PRKD1: variants seen among roughly 807,000 people sequenced by gnomAD.
PRKD1 encodes protein kinase D1.
In PRKD1, 63 loss-of-function variants were observed where a neutral mutation model predicts 95.9. The ratio of observed to expected loss-of-function variants is 0.66; its 90% CI spans 0.54 to 0.81. The LOEUF (loss-of-function observed/expected upper bound fraction) is 0.81. Among genes scored for constraint, PRKD1 ranks in the 30% least tolerant of loss-of-function variants. The pLI, the probability that PRKD1 is intolerant of heterozygous loss-of-function variation, is 0.00. For missense variants in PRKD1, 1,048 were observed against 1,165.3 expected, an observed-to-expected ratio of 0.90 and a Z score of 1.47; for synonymous variants, 425 against 423.1, an observed-to-expected ratio of 1.00 and a Z score of -0.05.
chr14:29,650,066 A>C (rs1198738382), intron 4 of PRKD1, among the ~76,000 whole-genome samples: 1 of 151,702 alleles, frequency 6.6e-6, no homozygotes, highest in Admixed American at 6.6e-5. Flanking sequence ...CGCCACTTCC[A>C]GTTTCCTAGT....
intron 1 of PRKD1, among the ~76,000 whole-genome samples, chr14:29,785,074 A>C (rs1029785554): frequency 6.6e-6 from 1 of 152,132 alleles, no homozygotes; most frequent in Non-Finnish European, 1.5e-5. Flanking sequence ...ATGCTTACCC[A>C]TTACACATGC....
intron 2 of PRKD1, among the ~76,000 whole-genome samples, chr14:29,709,526 AATAG>A (rs1318868581): frequency 6.6e-6 from 1 of 152,190 alleles, no homozygotes; most frequent in Non-Finnish European, 1.5e-5. Context: ...CAATAAGAGA[AATAG>A]ATAGATACAG....
chr14:29,792,074 C>T lies in PRKD1; in HGVS notation c.265-66400G>A, dbSNP rs924719975. Among the ~76,000 whole-genome samples, 3 of 152,196 alleles carry T rather than the reference C, an allele frequency of 2.0e-5. 1 individual carries two copies. Among genetic ancestry groups the T allele is most frequent in the Non-Finnish European group, 4.4e-5 (3 of 67,976 alleles). On this transcript the variant is annotated intron_variant, in intron 1 of 17. Transcript: ENST00000331968. Reference sequence around the variant, plus strand: ...TTGATTTCTCACTCTATAAAAATGACATATAATCCCATGTGATAGATCAAC... The same window carrying T: ...TTGATTTCTCACTCTATAAAAATGATATATAATCCCATGTGATAGATCAAC...
chr14:29,673,258 G>A (rs1420753870), intron 2 of PRKD1, among the ~76,000 whole-genome samples: 2 of 152,298 alleles, frequency 1.3e-5, no homozygotes, highest in East Asian at 1.9e-4. Context: ...AGTAAAGGAC[G>A]AGAGAGCTAG....
At chr14:29,616,446 GT>G (rs10706104) in intron 13 of PRKD1, among the ~76,000 whole-genome samples, 77,865 of 147,656 alleles carry the variant, frequency 0.53, 21,070 homozygotes, top group East Asian at 0.68. Context: ...ATCGTTTATG[GT>G]TTTTTTTTTT....
At chr14:29,798,175 G>A (rs937534429) in intron 1 of PRKD1, among the ~76,000 whole-genome samples, 1 of 152,140 alleles carries the variant, frequency 6.6e-6, no homozygotes, top group Non-Finnish European at 1.5e-5. Context: ...TTATGTTTTT[G>A]CAGACATGTC....
intron 1 of PRKD1, among the ~76,000 whole-genome samples, chr14:29,746,818 A>G (rs767393030): frequency 2.6e-5 from 4 of 152,184 alleles, no homozygotes; most frequent in Middle Eastern, 3.2e-3. Flanking sequence ...TTCCTTTCTC[A>G]GTTATAAAAT....
At chr14:29,821,569 C>A (rs1163625934) in intron 1 of PRKD1, among the ~76,000 whole-genome samples, 1 of 152,038 alleles carries the variant, frequency 6.6e-6, no homozygotes, top group Non-Finnish European at 1.5e-5. Context: ...CACTGAATCG[C>A]AAAATTAAAC....
chr14:29,630,148 C>T (rs1394946563), intron 10 of PRKD1, among the ~76,000 whole-genome samples: 1 of 151,836 alleles, frequency 6.6e-6, no homozygotes, highest in Non-Finnish European at 1.5e-5. Context: ...GATTTCTCCT[C>T]CTCCTTCTCC....
intron 13 of PRKD1, among the ~76,000 whole-genome samples, chr14:29,616,605 C>T (rs1466820584): frequency 1.3e-5 from 2 of 151,950 alleles, no homozygotes; most frequent in African/African-American, 4.8e-5. Flanking sequence ...TACCAACCGA[C>T]TTAATTTTTT....
chr14:29,885,959 G>A (rs750652773), intron 1 of PRKD1, among the ~76,000 whole-genome samples: 40 of 151,228 alleles, frequency 2.6e-4, no homozygotes, highest in Non-Finnish European at 4.7e-4. Context: ...AGCAAGACTC[G>A]GTCTCAAATA....
intron 16 of PRKD1, chr14:29,594,268 T>C: frequency 3.1e-6 from 1 of 322,008 alleles, no homozygotes; most frequent in South Asian, 2.5e-5. Flanking sequence ...CTTTTGCTTT[T>C]TCATGCCAGG....
At chr14:29,827,260 G>C (rs866154483) in intron 1 of PRKD1, among the ~76,000 whole-genome samples, 1 of 151,964 alleles carries the variant, frequency 6.6e-6, no homozygotes, top group Non-Finnish European at 1.5e-5. Flanking sequence ...GGATTCATAA[G>C]TTATCAAATA....
intron 1 of PRKD1, among the ~76,000 whole-genome samples, chr14:29,890,113 T>G (rs2139411317): frequency 6.6e-6 from 1 of 152,306 alleles, no homozygotes; most frequent in East Asian, 1.9e-4. Flanking sequence ...TTTAATAGTG[T>G]TTTAATACTT....
intron 1 of PRKD1, among the ~76,000 whole-genome samples, chr14:29,731,867 C>CTTTT (rs56015138): frequency 4.2e-5 from 6 of 144,542 alleles, no homozygotes; most frequent in African/African-American, 1.3e-4. Context: ...ACAATCTCTA[C>CTTTT]TTTTTTTTTT....
chr14:29,829,984 CCT>C (rs1429431044), intron 1 of PRKD1, among the ~76,000 whole-genome samples: 1 of 152,128 alleles, frequency 6.6e-6, no homozygotes, highest in Non-Finnish European at 1.5e-5. Context: ...GACATTTGCT[CCT>C]CTGTCTACTT....
chr14:29,796,842 A>G (rs1266803493), intron 1 of PRKD1, among the ~76,000 whole-genome samples: 1 of 152,230 alleles, frequency 6.6e-6, no homozygotes, highest in African/African-American at 2.4e-5. Context: ...ACAAGTGTAG[A>G]CATGTTGAGT....
chr14:29,691,824 C>A (rs1884253006), intron 2 of PRKD1, among the ~76,000 whole-genome samples: 1 of 151,968 alleles, frequency 6.6e-6, no homozygotes, highest in Non-Finnish European at 1.5e-5. Flanking sequence ...AACAAAGATT[C>A]CTGCTATTTG....
intron 1 of PRKD1, among the ~76,000 whole-genome samples, chr14:29,749,271 C>T (rs1471148002): frequency 1.3e-5 from 2 of 152,074 alleles, no homozygotes; most frequent in African/African-American, 4.8e-5. Context: ...GTCTGTAGCC[C>T]CATTCTTCAA....
Sources: gnomAD v4.1 joint callset for allele counts (sites outside exome capture counted in the v4.1 genomes callset) on GRCh38, gnomAD v4.1.1 for gene constraint, MANE v1.5 for transcripts, NCBI Gene and HGNC (gene_info 2026-07-23, HGNC 2026-07-21) for gene names.